C2CD2: variants seen among roughly 807,000 people sequenced by gnomAD.
The protein encoded by C2CD2 is C2 calcium dependent domain containing 2.
In C2CD2, 43 loss-of-function variants were observed where a neutral mutation model predicts 74.3. That is an observed-to-expected ratio of 0.58 (90% CI 0.45 to 0.75). C2CD2 has a LOEUF of 0.75. Among genes scored for constraint, C2CD2 ranks in the 30% least tolerant of loss-of-function variants. C2CD2 has a pLI of 0.00. For missense variants in C2CD2, 801 were observed against 916.3 expected (o/e 0.87, Z 1.63); for synonymous variants, 422 against 390.7 (o/e 1.08, Z -0.94).
chr21:41,920,201 G>C (rs914289881), intron 3 of C2CD2, among the ~76,000 whole-genome samples: 9 of 152,228 alleles, frequency 5.9e-5, no homozygotes, highest in Non-Finnish European at 8.8e-5. Context: ...GACAGCTCCT[G>C]GATTTGGGCC....
intron 13 of C2CD2, chr21:41,894,775 G>C (rs1277264574): frequency 8.8e-6 from 4 of 456,766 alleles, no homozygotes; most frequent in Non-Finnish European, 1.8e-5. Flanking sequence ...GAAGCAGATT[G>C]TTCACTATCA....
At chr21:41,947,993 T>G (rs1175013148) in intron 1 of C2CD2, among the ~76,000 whole-genome samples, 1 of 152,364 alleles carries the variant, frequency 6.6e-6, no homozygotes, top group East Asian at 1.9e-4. Context: ...ACACCCACAC[T>G]TTCCTGAATC....
chr21:41,907,644 G>A lies in C2CD2; in HGVS notation c.1143+16C>T, dbSNP rs2064979077. The A allele has an allele frequency of 6.2e-7, 1 of 1,602,792 alleles. No individual in the cohort carries two copies. Among genetic ancestry groups the A allele is most frequent in the East Asian group, 2.2e-5 (1 of 44,784 alleles). On this transcript the variant is annotated intron_variant, in intron 9 of 13. Coordinates refer to ENST00000380486, the MANE Select transcript of C2CD2 (RefSeq NM_015500.2). ...CCCAAGCCGGAACCCGGCCGCGGCG[G>A]ACAGCCTCGCCCTACCTCTGCCGTG...
At chr21:41,891,745 T>G (rs1484142419) in intron 13 of C2CD2, among the ~76,000 whole-genome samples, 1 of 152,054 alleles carries the variant, frequency 6.6e-6, no homozygotes. Flanking sequence ...CCTGGACTGC[T>G]CCAACGTCAC....
At chr21:41,914,561 A>G (rs759270015) in intron 6 of C2CD2, 37 bp downstream of exon 6, 3 of 1,603,352 alleles carry the variant, frequency 1.9e-6, no homozygotes, top group Non-Finnish European at 8.5e-7. Flanking sequence ...GGGCTGGAAG[A>G]GCCCCTCCAG....
chr21:41,953,680 C>G lies in C2CD2; in HGVS notation c.-32G>C. ...TCCCCGGCCCGCCTCGCCCCAACTT[C>G]CCCGGCAGCCCCGGGCCGGAACGGC... On this transcript the variant is annotated 5_prime_UTR_variant, in exon 1 of 14. Transcript: ENST00000380486. 3 of 1,369,142 alleles carry G rather than the reference C, an allele frequency of 2.2e-6. No homozygotes were observed. The highest frequency in any genetic ancestry group is 2.8e-6 in the Non-Finnish European group (3 of 1,065,624). The allele number at this position is 1,369,142 out of a possible 1,614,324, so 84.8% of individuals were successfully genotyped here.
chr21:41,947,049 G>A (rs13051227), intron 1 of C2CD2, among the ~76,000 whole-genome samples: 9,199 of 149,378 alleles, frequency 0.062, 501 homozygotes, highest in African/African-American at 0.14. Context: ...GAAGGCCTTC[G>A]CTTTTGTTGT....
At chr21:41,933,615 C>T (rs561065262) in intron 2 of C2CD2, among the ~76,000 whole-genome samples, 1 of 152,244 alleles carries the variant, frequency 6.6e-6, no homozygotes, top group African/African-American at 2.4e-5. Context: ...TGGAAAAGGC[C>T]ATGTACACAA....
rs924197198 is a variant in C2CD2 at position 41,926,346 on chromosome 21, G to A, written c.379-4261C>T. 6.5e-5 allele frequency: 37 copies of A among 568,590 alleles called. No individual in the cohort carries two copies. The highest frequency in any genetic ancestry group is 1.3e-4 in the Admixed American group (2 of 15,760). 35.2% of individuals were successfully genotyped at this position (568,590 alleles called of 1,614,324 possible). On this transcript the variant is annotated intron_variant, in intron 2 of 13. Transcript: ENST00000380486. This position sits in a 1 kb window ranked among gnomAD's most constrained non-coding sequence, Gnocchi z 8.0. ...AAGTGACAGAGTGTTTTTCGGAGTG[G>A]GGGGCTATTCACGGTAAGTCAGGGT...
Position 41,888,925 on chromosome 21 carries a change from G to A in C2CD2, c.*199C>T. The A allele has an allele frequency of 1.7e-6, 1 of 598,060 alleles. No homozygotes were observed. Among genetic ancestry groups the A allele is most frequent in the Non-Finnish European group, 3.0e-6 (1 of 336,478 alleles). 37.0% of individuals were successfully genotyped at this position (598,060 alleles called of 1,614,324 possible). A position where few individuals can be genotyped will look rare whatever the true frequency, so the allele number is the denominator to read the frequency against. ...TCATTTAGCATCTGGTGGCAAGTTG[G>A]GCTTTTTTGTCCTCTCTGGGAGAAG... On this transcript the variant is annotated 3_prime_UTR_variant, in exon 14 of 14. Coordinates refer to ENST00000380486, the MANE Select transcript of C2CD2 (RefSeq NM_015500.2).
chr21:41,889,991 C>T (rs1054865557), intron 13 of C2CD2, among the ~76,000 whole-genome samples: 13 of 152,094 alleles, frequency 8.5e-5, no homozygotes, highest in African/African-American at 2.7e-4. Context: ...ACAGCTATTG[C>T]CTCGGTTGGG....
intron 13 of C2CD2, among the ~76,000 whole-genome samples, chr21:41,897,707 G>A (rs879319365): frequency 3.3e-5 from 5 of 152,198 alleles, no homozygotes; most frequent in African/African-American, 4.8e-5. Context: ...TGGCAAGGAG[G>A]GGGGCATGGG....
In C2CD2 at chr21:41,953,689, C is replaced by A; in HGVS notation, c.-41G>T. 7.4e-7 allele frequency: 1 copy of A among 1,356,098 alleles called. No homozygotes were observed. The highest frequency in any genetic ancestry group is 9.4e-7 in the Non-Finnish European group (1 of 1,058,246). The allele number at this position is 1,356,098 out of a possible 1,614,324, so 84.0% of individuals were successfully genotyped here. A position where few individuals can be genotyped will look rare whatever the true frequency, so the allele number is the denominator to read the frequency against. ...CGCCTCGCCCCAACTTCCCCGGCAG[C>A]CCCGGGCCGGAACGGCGGACTCAGG... On this transcript the variant is annotated 5_prime_UTR_variant, in exon 1 of 14. Transcript: ENST00000380486.
chr21:41,944,539 AAAAG>A (rs1287616049), intron 1 of C2CD2, among the ~76,000 whole-genome samples: 2 of 88,402 alleles, frequency 2.3e-5, no homozygotes, highest in Non-Finnish European at 4.1e-5. Flanking sequence ...AAAAAAAAAA[AAAAG>A]AAAAGAAAAG....
At chr21:41,912,644 C>T (rs1253076684) in intron 6 of C2CD2, among the ~76,000 whole-genome samples, 1 of 152,192 alleles carries the variant, frequency 6.6e-6, no homozygotes, top group Non-Finnish European at 1.5e-5. Flanking sequence ...GCGCACGCCT[C>T]CACGCTCAGC....
Position 41,926,343 on chromosome 21 carries a change from G to A in C2CD2, c.379-4258C>T. 1 of 528,936 alleles carries A rather than the reference G, an allele frequency of 1.9e-6. No individual in the cohort carries two copies. The highest frequency in any genetic ancestry group is 2.4e-6 in the Non-Finnish European group (1 of 412,692). The allele number at this position is 528,936 out of a possible 1,614,324, so 32.8% of individuals were successfully genotyped here. ...TATAAGTGACAGAGTGTTTTTCGGAGTGGGGGGCTATTCACGGTAAGTCAG... is the reference window on the plus strand; with the variant it reads ...TATAAGTGACAGAGTGTTTTTCGGAATGGGGGGCTATTCACGGTAAGTCAG... On this transcript the variant is annotated intron_variant, in intron 2 of 13. Transcript: ENST00000380486. The surrounding 1 kb of genome is among the most constrained non-coding windows in gnomAD (Gnocchi z 8.0).
rs2064764972 is a variant in C2CD2 at position 41,892,382 on chromosome 21, T to C, written c.1871-3038A>G. ...TCCAGCCTCCAGAACAGGGAAAGAATTGGCTCCTGGTGTTGCAAACACCCA... is the reference window on the plus strand; with the variant it reads ...TCCAGCCTCCAGAACAGGGAAAGAACTGGCTCCTGGTGTTGCAAACACCCA... On this transcript the variant is annotated intron_variant, in intron 13 of 13. Transcript: ENST00000380486. The surrounding 1 kb of genome is among the most constrained non-coding windows in gnomAD (Gnocchi z 4.6). 6.6e-6 allele frequency among the ~76,000 whole-genome samples: 1 copy of C among 152,092 alleles called. No homozygotes were observed. The highest frequency in any genetic ancestry group is 2.4e-5 in the African/African-American group (1 of 41,402).
intron 13 of C2CD2, among the ~76,000 whole-genome samples, chr21:41,897,365 C>A (rs1299478971): frequency 6.6e-6 from 1 of 152,174 alleles, no homozygotes; most frequent in South Asian, 2.1e-4. Context: ...GCTACCCCAC[C>A]CTGCACCCAT....
chr21:41,907,286 T>G, intron 9 of C2CD2, 120 bp from the exon 10 acceptor site: 3 of 807,272 alleles, frequency 3.7e-6, no homozygotes, highest in Non-Finnish European at 6.1e-6. Context: ...TTAAGGTCAC[T>G]TAGCATCTCC....
Sources: allele counts gnomAD v4.1 joint callset (sites outside exome capture counted in the v4.1 genomes callset), GRCh38; gene constraint gnomAD v4.1.1; non-coding constraint Gnocchi (gnomAD v3.1); transcripts MANE v1.5; gene names NCBI Gene and HGNC (gene_info 2026-07-23, HGNC 2026-07-21).